UBE2Q2: variants seen among roughly 807,000 people sequenced by gnomAD.
The protein encoded by UBE2Q2 is ubiquitin conjugating enzyme E2 Q2, also known as ubiquitin-conjugating enzyme E2 Q2.
UBE2Q2 carries 54 observed loss-of-function variants against 59.9 expected under a neutral mutation model. The ratio of observed to expected loss-of-function variants is 0.90; its 90% CI spans 0.72 to 1.13. UBE2Q2 has a LOEUF of 1.13. UBE2Q2 is among the 50% of genes most tolerant of loss of function. UBE2Q2 has a pLI of 0.00. For synonymous variants in UBE2Q2, 165 were observed against 155.2 expected (o/e 1.06, Z -0.47); for missense variants, 433 against 441.9 (o/e 0.98, Z 0.18).
intron 12 of UBE2Q2, among the ~76,000 whole-genome samples, chr15:75,898,204 T>G (rs1422961781): frequency 6.6e-6 from 1 of 152,164 alleles, no homozygotes; most frequent in Non-Finnish European, 1.5e-5. Context: ...AGATTTCTTC[T>G]TATCTTTGTT....
chr15:75,878,104 T>C, intron 7 of UBE2Q2, 83 bp downstream of exon 7: 2 of 1,157,214 alleles, frequency 1.7e-6, no homozygotes, highest in Non-Finnish European at 2.5e-6. Context: ...ACTTGATACC[T>C]TTATACTATG....
chr15:75,887,351 G>A (rs994789524), intron 9 of UBE2Q2, among the ~76,000 whole-genome samples: 12 of 152,116 alleles, frequency 7.9e-5, no homozygotes, highest in African/African-American at 2.2e-4. Flanking sequence ...TGTGAGTGTC[G>A]GGTTTGGTCA....
intron 7 of UBE2Q2, among the ~76,000 whole-genome samples, chr15:75,878,878 T>TA (rs1326428976): frequency 6.6e-6 from 1 of 152,126 alleles, no homozygotes; most frequent in African/African-American, 2.4e-5. Context: ...AGATTAGATT[T>TA]AGAGTATTAT....
chr15:75,844,007 G>C (rs981918870), intron 1 of UBE2Q2, 161 bp downstream of exon 1: 40 of 1,411,266 alleles, frequency 2.8e-5, no homozygotes, highest in Non-Finnish European at 3.6e-5. Flanking sequence ...GGCCGGGCTG[G>C]GACTGCGCGA....
chr15:75,879,188 G>T lies in UBE2Q2; in HGVS notation c.825G>T (p.Lys275Asn). ...IEYILLNFSF[K>N]DNFPFDPPFV... Reference sequence around the variant, plus strand: ...ATATTTTGCTTAACTTCTCTTTTAAGGTAAGAAAATAGTTACAGGACCCCA... The same window carrying T: ...ATATTTTGCTTAACTTCTCTTTTAATGTAAGAAAATAGTTACAGGACCCCA... Residue 275 changes from lysine to asparagine, a missense_variant and splice_region_variant, in exon 8 of 13, where the codon AAG becomes AAT. Transcript: ENST00000267938. 1.3e-6 allele frequency: 2 copies of T among 1,567,756 alleles called. No individual in the cohort carries two copies. The highest frequency in any genetic ancestry group is 1.7e-6 in the Non-Finnish European group (2 of 1,152,072).
intron 5 of UBE2Q2, among the ~76,000 whole-genome samples, chr15:75,875,220 A>G (rs1898011225): frequency 6.6e-6 from 1 of 152,300 alleles, no homozygotes; most frequent in Admixed American, 6.5e-5. Flanking sequence ...ACCGTGTGAA[A>G]TAGGTATGCT....
intron 1 of UBE2Q2, among the ~76,000 whole-genome samples, chr15:75,846,202 C>T (rs925188022): frequency 1.3e-5 from 2 of 152,112 alleles, no homozygotes; most frequent in African/African-American, 2.4e-5. Context: ...GTAAATATTT[C>T]TGCTTGTATC....
chr15:75,885,230 C>T (rs1898692261), intron 9 of UBE2Q2, among the ~76,000 whole-genome samples: 1 of 152,032 alleles, frequency 6.6e-6, no homozygotes. Context: ...AAACAATTCT[C>T]CTGCCTTAGC....
At chr15:75,867,522 T>C (rs1897565382) in intron 3 of UBE2Q2, among the ~76,000 whole-genome samples, 1 of 152,206 alleles carries the variant, frequency 6.6e-6, no homozygotes, top group Non-Finnish European at 1.5e-5. Flanking sequence ...TTTTATAAAA[T>C]TCTGTCATTT....
At chr15:75,883,606 A>ATT (rs112928171) in intron 9 of UBE2Q2, among the ~76,000 whole-genome samples, 182 bp downstream of exon 9, 2 of 143,904 alleles carry the variant, frequency 1.4e-5, no homozygotes, top group African/African-American at 2.5e-5. Flanking sequence ...CCTGGCCTGC[A>ATT]TTTTTTTTTT....
intron 11 of UBE2Q2, among the ~76,000 whole-genome samples, chr15:75,892,179 T>TA (rs374967786): frequency 6.6e-6 from 1 of 152,260 alleles, no homozygotes; most frequent in East Asian, 1.9e-4. Context: ...TGCAAGATGG[T>TA]AAAGTGGTCT....
intron 8 of UBE2Q2, among the ~76,000 whole-genome samples, chr15:75,879,451 G>A (rs1415653509): frequency 3.3e-5 from 5 of 152,210 alleles, no homozygotes; most frequent in Non-Finnish European, 1.5e-5. Flanking sequence ...TGTTTATAAA[G>A]TGGTTTACAG....
intron 4 of UBE2Q2, among the ~76,000 whole-genome samples, chr15:75,870,122 C>T (rs1027444939): frequency 6.6e-6 from 1 of 152,026 alleles, no homozygotes; most frequent in Admixed American, 6.6e-5. Context: ...GGCTGGAGTG[C>T]AGTAGTGTGA....
intron 9 of UBE2Q2, among the ~76,000 whole-genome samples, chr15:75,888,438 C>T (rs1245959748): frequency 6.6e-6 from 1 of 152,186 alleles, no homozygotes; most frequent in South Asian, 2.1e-4. Flanking sequence ...TGCTGTACAA[C>T]TTTGGCAACT....
intron 11 of UBE2Q2, among the ~76,000 whole-genome samples, chr15:75,891,224 GTT>G (rs977152736): frequency 1.3e-5 from 2 of 152,044 alleles, no homozygotes; most frequent in African/African-American, 4.8e-5. Context: ...TTTCGTATCT[GTT>G]TTTAGTCTGT....
chr15:75,870,191 C>T (rs997230487), intron 4 of UBE2Q2, among the ~76,000 whole-genome samples: 1 of 152,130 alleles, frequency 6.6e-6, no homozygotes, highest in Non-Finnish European at 1.5e-5. Flanking sequence ...CCTCAGCCTT[C>T]TGAGTAGCTG....
intron 1 of UBE2Q2, among the ~76,000 whole-genome samples, chr15:75,851,571 G>A (rs1896636934): frequency 1.3e-5 from 2 of 152,190 alleles, no homozygotes; most frequent in Middle Eastern, 3.4e-3. Context: ...TTTATTATTA[G>A]CAGTTTTATT....
intron 9 of UBE2Q2, among the ~76,000 whole-genome samples, chr15:75,883,839 T>TACACAC (rs10524276): frequency 4.3e-4 from 65 of 152,000 alleles, no homozygotes; most frequent in African/African-American, 1.3e-3. Flanking sequence ...TATTTATACA[T>TACACAC]ACACACACAC....
intron 10 of UBE2Q2, 22 bp downstream of exon 10, chr15:75,890,505 CA>C: frequency 8.1e-6 from 13 of 1,600,522 alleles, no homozygotes; most frequent in Non-Finnish European, 1.1e-5. Flanking sequence ...TACGATACTC[CA>C]TTTTCACCCA....
Sources: gnomAD v4.1 joint callset for allele counts (sites outside exome capture counted in the v4.1 genomes callset) on GRCh38, gnomAD v4.1.1 for gene constraint, MANE v1.5 for transcripts, NCBI Gene and HGNC (gene_info 2026-07-23, HGNC 2026-07-21) for gene names.